EPG5: variants seen among roughly 807,000 people sequenced by gnomAD.
EPG5 encodes ectopic P granules protein 5 homolog.
A neutral mutation model predicts 302.7 loss-of-function variants in EPG5; 159 were observed. The observed-to-expected ratio is 0.53, with a 90% CI of 0.46 to 0.60. The LOEUF is 0.60. EPG5 is among the 20% of genes least tolerant of loss of function. EPG5 has a pLI of 0.00. For synonymous variants in EPG5, 1,158 were observed against 1,136.8 expected (o/e 1.02, Z -0.37); for missense variants, 2,896 against 3,092.4 (o/e 0.94, Z 1.51).
chr18:45,834,198 C>T, the EPG5 span, among the ~76,000 whole-genome samples: 2 of 152,172 alleles, frequency 1.3e-5, no homozygotes, highest in East Asian at 1.9e-4. Context: ...CCTAATACAC[C>T]CCTACTCTAA....
intron 3 of EPG5, 71 bp downstream of exon 3, chr18:45,952,329 T>C (rs1313291372): frequency 1.2e-5 from 18 of 1,552,258 alleles, no homozygotes; most frequent in Non-Finnish European, 1.6e-5. Flanking sequence ...TACAGTCAAT[T>C]CAACCAGGCT....
chr18:45,930,721 A>T lies in EPG5; in HGVS notation c.2367T>A (p.Asn789Lys). 6.2e-7 allele frequency: 1 copy of T among 1,607,712 alleles called. No individual in the cohort carries two copies. Among genetic ancestry groups the T allele is most frequent in the Non-Finnish European group, 8.5e-7 (1 of 1,177,908 alleles). The change falls in exon 12 of 44, where the codon AAT (asparagine) becomes AAA (lysine). Residue 789 changes from asparagine (N) to lysine (K), a missense_variant. This residue lies in a region of EPG5 where 1,390 missense variants were observed against 1,430.0 expected (regional missense o/e 0.97). Transcript: ENST00000282041. ...TAATTTTTATGAAGTCTTCGTCCAC[A>T]TTGGTTCTTCTGGCCTGAGCCATCT... ...FAQMAQARRT[N>K]VDEDFIKIIV...
At chr18:45,918,619 C>T (rs573115844) in intron 16 of EPG5, among the ~76,000 whole-genome samples, 8 of 152,254 alleles carry the variant, frequency 5.3e-5, no homozygotes, top group South Asian at 4.1e-4. Flanking sequence ...TTATTTTTAA[C>T]TCTAAAACTG....
intron 17 of EPG5, 35 bp from the exon 18 acceptor site, chr18:45,916,617 C>T (rs775632284): frequency 2.1e-5 from 33 of 1,550,820 alleles, no homozygotes; most frequent in Admixed American, 7.3e-5. Context: ...CTTTACCTTC[C>T]GATCAGAACT....
intron 10 of EPG5, 62 bp downstream of exon 10, chr18:45,939,538 C>T (rs923361237): frequency 1.9e-5 from 28 of 1,498,354 alleles, no homozygotes; most frequent in African/African-American, 9.7e-5. Flanking sequence ...TGGCTTTCAC[C>T]GAATGGTTCT....
Position 45,917,687 on chromosome 18 carries a change from C to A in EPG5, c.3231G>T (p.Lys1077Asn), listed in dbSNP as rs2050063788. ...LFYPCQYYLL[K>N]NEQFLSHLLL... ...AGATGGAACACACTTACTGCTCATT[C>A]TTCAGAAGGTAATACTGGCAAGGGT... is the stretch of plus-strand genomic sequence containing the variant. The change falls in exon 17 of 44, where the codon AAG becomes AAT. Residue 1077 changes from lysine to asparagine, a missense_variant. Physicochemically the swap from Lys to Asn is moderately conservative, Grantham distance 94. Around this residue, in one of 5 missense-constraint regions of EPG5, gnomAD observed 1,390 missense variants for 1,430.0 expected, o/e 0.97. Coordinates refer to ENST00000282041, the MANE Select transcript of EPG5 (RefSeq NM_020964.3). 1 of 1,614,002 alleles carries A rather than the reference C, an allele frequency of 6.2e-7. No homozygotes were observed. The highest frequency in any genetic ancestry group is 1.3e-5 in the African/African-American group (1 of 74,934).
At position 45,866,876 on chromosome 18, in the gene EPG5, T is replaced by G; in HGVS notation, c.6543A>C (p.Glu2181Asp). ...HYPPSIILAK[E>D]SYAELIMKLL... ...GCTTCATGATTAATTCAGCATAAGA[T>G]TCTTTTGCCAGGATGATGGACGGCG... The change falls in exon 38 of 44, where the codon GAA becomes GAC. Residue 2181 changes from glutamate to aspartate, a missense_variant. By Grantham distance (45) the Glu-to-Asp change is conservative. Coordinates refer to ENST00000282041, the MANE Select transcript of EPG5 (RefSeq NM_020964.3). The G allele has an allele frequency of 6.2e-7, 1 of 1,614,178 alleles. No homozygotes were observed. The highest frequency in any genetic ancestry group is 1.1e-5 in the South Asian group (1 of 91,082).
At chr18:45,824,398 G>T in the EPG5 span, among the ~76,000 whole-genome samples, 174 of 152,216 alleles carry the variant, frequency 1.1e-3, 1 homozygote, top group African/African-American at 3.8e-3. Context: ...AGTAGAGACG[G>T]TGTTTCACCG....
chr18:45,835,907 CAGAAAAGAGAAGGCTCA>C, the EPG5 span, among the ~76,000 whole-genome samples: 1 of 152,242 alleles, frequency 6.6e-6, no homozygotes, highest in African/African-American at 2.4e-5. Context: ...ATTTTTCCAC[CAGAAAAGAGAAGGCTCA>C]ATGGGTCCAG....
intron 24 of EPG5, chr18:45,907,040 T>G (rs1159488405): frequency 2.0e-5 from 3 of 152,248 alleles, no homozygotes; most frequent in African/African-American, 7.2e-5. Context: ...ATGTATCAGA[T>G]TTCTTTTTGT....
chr18:45,880,244 A>G, intron 31 of EPG5, 21 bp from the exon 32 acceptor site: 1 of 1,561,984 alleles, frequency 6.4e-7, no homozygotes, highest in Non-Finnish European at 8.7e-7. Context: ...GGACAGGAAG[A>G]GCAAGTCAGT....
chr18:45,904,608 C>A (rs2049703060), intron 24 of EPG5, among the ~76,000 whole-genome samples: 1 of 152,048 alleles, frequency 6.6e-6, no homozygotes. Context: ...ACAAACTACT[C>A]AGTTTCTTCA....
At chr18:45,924,230 A>G (rs541694038) in intron 14 of EPG5, among the ~76,000 whole-genome samples, 6 of 152,264 alleles carry the variant, frequency 3.9e-5, no homozygotes, top group African/African-American at 1.4e-4. Context: ...CAGAAAGATG[A>G]CTTTCCTAAC....
chr18:45,840,273 A>G, the EPG5 span: 2 of 1,602,774 alleles, frequency 1.2e-6, no homozygotes, highest in African/African-American at 2.7e-5. Context: ...ACCCTACCCT[A>G]CCCCACCCAC....
At position 45,848,617 on chromosome 18, in the gene EPG5, C is replaced by G. The variant is rs2048385967; in HGVS notation, c.*3850G>C. On this transcript the variant is annotated 3_prime_UTR_variant, in exon 44 of 44. Coordinates refer to ENST00000282041, the MANE Select transcript of EPG5 (RefSeq NM_020964.3). ...AACCCAAGGAAGCACTCTCTTGGCA[C>G]CTGCAAGCAAGCACCAACTTAAATG... 6.6e-6 allele frequency: 1 copy of G among 152,300 alleles called. No individual in the cohort carries two copies. 9.4% of individuals were successfully genotyped at this position (152,300 alleles called of 1,614,324 possible).
chr18:45,913,012 C>T (rs1017613130), intron 21 of EPG5, among the ~76,000 whole-genome samples: 17 of 150,800 alleles, frequency 1.1e-4, no homozygotes, highest in African/African-American at 3.4e-4. Flanking sequence ...TGCTTGAACC[C>T]GGAAGGTGGA....
Position 45,912,278 on chromosome 18 carries a change from T to C in EPG5, c.3983+12A>G. ...ATGGACTCACAGAAACCTACAATAC[T>C]GGGCAGCATACCCATACTGTGGTCC... is the stretch of plus-strand genomic sequence containing the variant. On this transcript the variant is annotated intron_variant, in intron 22 of 43. Transcript: ENST00000282041. The C allele has an allele frequency of 6.4e-7, 1 of 1,566,264 alleles. No individual in the cohort carries two copies. The highest frequency in any genetic ancestry group is 1.2e-5 in the South Asian group (1 of 84,484).
chr18:45,913,976 C>T (rs2049970735), intron 20 of EPG5, 148 bp from the exon 21 acceptor site: 2 of 864,870 alleles, frequency 2.3e-6, no homozygotes, highest in Non-Finnish European at 3.5e-6. Flanking sequence ...CTTTTTATAC[C>T]TACCTATATC....
In EPG5 at chr18:45,865,575, A is replaced by G. The variant is rs767890205; in HGVS notation, c.6766+40T>C. The G allele has an allele frequency of 1.3e-5, 21 of 1,607,784 alleles. No homozygotes were observed. The East Asian group carries it at 3.3e-4, about 26-fold the overall frequency. ...AGTGCCTTACGCACAGCAGGAATGC[A>G]TTGACTGAATGAATACAGGACTTCC... is the stretch of plus-strand genomic sequence containing the variant. On this transcript the variant is annotated intron_variant, in intron 39 of 43. Coordinates refer to ENST00000282041, the MANE Select transcript of EPG5 (RefSeq NM_020964.3).
Sources: allele counts gnomAD v4.1 joint callset (sites outside exome capture counted in the v4.1 genomes callset), GRCh38; gene constraint gnomAD v4.1.1; regional missense constraint gnomAD v4.1.1; transcripts MANE v1.5; gene names NCBI Gene and HGNC (gene_info 2026-07-23, HGNC 2026-07-21).